CUX1: variants seen among roughly 807,000 people sequenced by gnomAD.
The protein encoded by CUX1 is cut like homeobox 1.
CUX1 carries 31 observed loss-of-function variants against 158.8 expected under a neutral mutation model. The observed-to-expected ratio is 0.20, with a 90% CI of 0.15 to 0.26. The LOEUF is 0.26. CUX1 is among the 10% of genes least tolerant of loss of function. The pLI is 1.00. For synonymous variants in CUX1, 879 were observed against 862.1 expected (o/e 1.02, Z -0.34); for missense variants, 1,589 against 2,014.6 (o/e 0.79, Z 4.04).
intron 13 of CUX1, 169 bp downstream of exon 13, chr7:102,194,059 T>C (rs1220785362): frequency 2.8e-6 from 2 of 709,858 alleles, no homozygotes; most frequent in Non-Finnish European, 2.4e-6. Flanking sequence ...ATCTTTTTTT[T>C]TTTGTCTCCT....
upstream of CUX1, among the ~76,000 whole-genome samples, chr7:101,816,506 G>A (rs1465085450): frequency 7.0e-6 from 1 of 141,892 alleles, no homozygotes; most frequent in Non-Finnish European, 1.6e-5. Context: ...GCGGGGAGCG[G>A]GGAGCGGGCG....
intron 2 of CUX1, among the ~76,000 whole-genome samples, chr7:101,981,269 A>G (rs746834343): frequency 2.6e-5 from 4 of 151,942 alleles, no homozygotes; most frequent in Non-Finnish European, 5.9e-5. Flanking sequence ...CTCTCCTGAC[A>G]TAGTATGTGT....
intron 20 of CUX1, among the ~76,000 whole-genome samples, chr7:102,226,665 C>T (rs782627565): frequency 3.3e-5 from 5 of 152,178 alleles, no homozygotes; most frequent in Non-Finnish European, 7.3e-5. Flanking sequence ...CACTCTCACT[C>T]TGTCACCCAG....
rs548610864 is a variant in CUX1, at chr7:102,094,159, C to G, written c.269-3205C>G. On this transcript the variant is annotated intron_variant, in intron 4 of 23. Coordinates refer to ENST00000292535, the MANE Select transcript of CUX1 (RefSeq NM_181552.4). ...TATTGTCATGCAGTAATTAGCTGTT[C>G]CTTTAATACAAGTAATAAAAATTAA... is the stretch of plus-strand genomic sequence containing the variant. Among the ~76,000 whole-genome samples, 5 of 152,270 alleles carry G rather than the reference C, an allele frequency of 3.3e-5. No homozygotes were observed. In the East Asian group the frequency reaches 9.6e-4, roughly 29 times the overall value.
At chr7:101,990,362 T>G (rs1294912257) in intron 2 of CUX1, among the ~76,000 whole-genome samples, 1 of 150,492 alleles carries the variant, frequency 6.6e-6, no homozygotes, top group Non-Finnish European at 1.5e-5. Flanking sequence ...ACCCCATCTC[T>G]TTTGTTTGTT....
Position 102,251,779 on chromosome 7 carries a change from A to G in CUX1, c.*2737A>G, listed in dbSNP as rs1801536245. 2 of 985,264 alleles carry G rather than the reference A, an allele frequency of 2.0e-6. No individual in the cohort carries two copies. The highest frequency in any genetic ancestry group is 1.2e-4 in the Admixed American group (2 of 16,250). The allele number at this position is 985,264 out of a possible 1,614,324, so 61.0% of individuals were successfully genotyped here. A position where few individuals can be genotyped will look rare whatever the true frequency, so the allele number is the denominator to read the frequency against. ...AATCTTTAAATATCGTCTAATTTTC[A>G]TAAGAATGAAAAGAAGTTAACAGGA... On this transcript the variant is annotated 3_prime_UTR_variant, in exon 24 of 24. Transcript: ENST00000292535.
intron 2 of CUX1, among the ~76,000 whole-genome samples, chr7:102,021,805 C>A (rs191995852): frequency 2.5e-4 from 38 of 152,170 alleles, no homozygotes; most frequent in Admixed American, 6.6e-4. Flanking sequence ...AGGTGATCTG[C>A]CCGCTTCAGC....
At chr7:102,169,929 C>T (rs1285503232) in intron 9 of CUX1, among the ~76,000 whole-genome samples, 2 of 152,140 alleles carry the variant, frequency 1.3e-5, no homozygotes, top group African/African-American at 2.4e-5. Flanking sequence ...GAAATAAGCC[C>T]GGCCTTTACA....
At position 102,197,173 on chromosome 7, in the gene CUX1, G is replaced by T; in HGVS notation, c.1762G>T (p.Glu588Ter). The T allele has an allele frequency of 6.2e-7, 1 of 1,614,216 alleles. No homozygotes were observed. Among genetic ancestry groups the T allele is most frequent in the Non-Finnish European group, 8.5e-7 (1 of 1,180,040 alleles). Reference protein sequence around the residue: ...VLGLSQGSVSEILARPKPWNK... With the variant: ...VLGLSQGSVS ...GGGACTGTCTCAAGGGTCCGTGAGCGAGATTCTGGCCCGGCCCAAGCCATG... is the reference window on the plus strand; with the variant it reads ...GGGACTGTCTCAAGGGTCCGTGAGCTAGATTCTGGCCCGGCCCAAGCCATG... Residue 588 changes from glutamate to a stop codon, truncating the protein, a stop_gained, in exon 15 of 24, where the codon GAG becomes TAG. Transcript: ENST00000292535. LOFTEE classifies it high-confidence loss of function.
intron 20 of CUX1, among the ~76,000 whole-genome samples, chr7:102,215,062 G>A (rs999604299): frequency 6.6e-6 from 1 of 152,102 alleles, no homozygotes; most frequent in Non-Finnish European, 1.5e-5. Context: ...GAGGAGAGAG[G>A]ACACCCGGGC....
chr7:102,172,591 G>A (rs1554510725), intron 10 of CUX1, among the ~76,000 whole-genome samples: 2 of 152,108 alleles, frequency 1.3e-5, no homozygotes, highest in African/African-American at 2.4e-5. Flanking sequence ...CTCCATGAAT[G>A]TAAACACCTT....
At chr7:101,984,089 A>AATATATAT (rs1195893037) in intron 2 of CUX1, among the ~76,000 whole-genome samples, 16 of 29,734 alleles carry the variant, frequency 5.4e-4, no homozygotes, top group South Asian at 2.1e-3. Flanking sequence ...AAAAAAAAAA[A>AATATATAT]ATATATATAT....
rs140368094 is a variant in CUX1 at position 102,128,599 on chromosome 7, G to A, written c.674+13326G>A. Among the ~76,000 whole-genome samples the A allele has an allele frequency of 5.9e-5, 9 of 151,762 alleles. No homozygotes were observed. The East Asian group carries it at 9.7e-4, about 16-fold the overall frequency. On this transcript the variant is annotated intron_variant, in intron 8 of 23. Coordinates refer to ENST00000292535, the MANE Select transcript of CUX1 (RefSeq NM_181552.4). Reference sequence around the variant, plus strand: ...TGGGAAGAACCTGGGTCGCAACATCGTAAAGACCTGGGTTTAATTCCCAAC... The same window carrying A: ...TGGGAAGAACCTGGGTCGCAACATCATAAAGACCTGGGTTTAATTCCCAAC...
chr7:102,225,190 C>A (rs1798222381), intron 20 of CUX1, among the ~76,000 whole-genome samples: 1 of 152,142 alleles, frequency 6.6e-6, no homozygotes, highest in African/African-American at 2.4e-5. Flanking sequence ...CTTTCAAAAA[C>A]CGGTTTGGCA....
chr7:102,141,495 G>A (rs1291620377), intron 8 of CUX1, among the ~76,000 whole-genome samples: 1 of 152,172 alleles, frequency 6.6e-6, no homozygotes, highest in Non-Finnish European at 1.5e-5. Context: ...ACCTGAGCCA[G>A]GGAGGTGGGC....
chr7:102,241,005 G>C (rs1194004873), intron 23 of CUX1, among the ~76,000 whole-genome samples: 1 of 152,104 alleles, frequency 6.6e-6, no homozygotes, highest in Non-Finnish European at 1.5e-5. Context: ...ATTTTTAGTA[G>C]AGACGGGTTT....
chr7:102,206,136 A>G (rs1367893597), intron 20 of CUX1, among the ~76,000 whole-genome samples: 1 of 152,188 alleles, frequency 6.6e-6, no homozygotes, highest in East Asian at 1.9e-4. Flanking sequence ...GCTGTGTGGC[A>G]GTGGCTGCTG....
chr7:101,907,354 T>C (rs778352996), intron 1 of CUX1, among the ~76,000 whole-genome samples: 1 of 151,882 alleles, frequency 6.6e-6, no homozygotes, highest in Non-Finnish European at 1.5e-5. Flanking sequence ...TTATTTTTAT[T>C]TTTTATTTTT....
At chr7:102,196,601 C>G (rs1394911180) in intron 14 of CUX1, 33 bp from the exon 15 acceptor site, 1 of 1,496,960 alleles carries the variant, frequency 6.7e-7, no homozygotes, top group African/African-American at 1.4e-5. Context: ...TTTGGAATCC[C>G]CCATAATGCA....
Sources: gnomAD v4.1 joint callset for allele counts (sites outside exome capture counted in the v4.1 genomes callset) on GRCh38, gnomAD v4.1.1 for gene constraint, MANE v1.5 for transcripts, NCBI Gene and HGNC (gene_info 2026-07-23, HGNC 2026-07-21) for gene names.